Variants in TCF25 observed in about 807,000 individuals in gnomAD.
TCF25 encodes TCF25 ribosome quality control complex subunit.
A neutral mutation model predicts 83.1 loss-of-function variants in TCF25; 41 were observed. That is an observed-to-expected ratio of 0.49 (90% confidence interval 0.38 to 0.64). TCF25 has a LOEUF of 0.64. TCF25 is among the 30% of genes least tolerant of loss of function. The pLI is 0.00. For synonymous variants in TCF25, 458 were observed against 365.0 expected, an observed-to-expected ratio of 1.25 and a Z score of -2.90; for missense variants, 979 against 914.5, an observed-to-expected ratio of 1.07 and a Z score of -0.91.
intron 12 of TCF25, among the ~76,000 whole-genome samples, chr16:89,901,291 ACCTGGTCAGACCTCG>A (rs2044302825): frequency 6.6e-6 from 1 of 152,202 alleles, no homozygotes; most frequent in South Asian, 2.1e-4. Context: ...TGAGGCTGCC[ACCTGGTCAGACCTCG>A]GGGCTGACCC....
intron 1 of TCF25, among the ~76,000 whole-genome samples, chr16:89,879,174 C>T (rs1399404074): frequency 1.3e-5 from 2 of 149,480 alleles, no homozygotes; most frequent in South Asian, 2.1e-4. Flanking sequence ...CACAGACGGG[C>T]TCCTGGGCCT....
intron 16 of TCF25, among the ~76,000 whole-genome samples, chr16:89,908,566 C>T (rs2045218509): frequency 2.2e-5 from 3 of 134,876 alleles, no homozygotes; most frequent in Non-Finnish European, 4.9e-5. Flanking sequence ...GTTCCCACCT[C>T]TTTCCTCGCA....
At chr16:89,908,667 A>G (rs1010820930) in intron 16 of TCF25, among the ~76,000 whole-genome samples, 121 of 28,640 alleles carry the variant, frequency 4.2e-3, no homozygotes, top group Admixed American at 6.3e-3. Flanking sequence ...CCCAGCTCCC[A>G]CCTCCCTCCT....
intron 1 of TCF25, among the ~76,000 whole-genome samples, chr16:89,879,980 A>C (rs62056110): frequency 0.07 from 9,269 of 131,578 alleles, 591 homozygotes; most frequent in East Asian, 0.26. Context: ...GGATCCCAGG[A>C]CTATCACGCG....
At chr16:89,875,296 T>G (rs1213586673) in intron 1 of TCF25, among the ~76,000 whole-genome samples, 2 of 152,216 alleles carry the variant, frequency 1.3e-5, no homozygotes, top group African/African-American at 4.8e-5. Context: ...TTTCTCTTTG[T>G]GACAACCTGT....
At chr16:89,875,283 A>T (rs2042091948) in intron 1 of TCF25, among the ~76,000 whole-genome samples, 1 of 152,136 alleles carries the variant, frequency 6.6e-6, no homozygotes. Flanking sequence ...TTGACCATTT[A>T]TATTTCTCTT....
intron 14 of TCF25, among the ~76,000 whole-genome samples, chr16:89,905,496 C>G (rs1358463079): frequency 6.6e-6 from 1 of 152,214 alleles, no homozygotes; most frequent in African/African-American, 2.4e-5. Flanking sequence ...CCCTAATATG[C>G]TGCAACTGAC....
chr16:89,905,227 G>A, intron 14 of TCF25, 131 bp downstream of exon 14: 1 of 1,298,072 alleles, frequency 7.7e-7, no homozygotes, highest in Non-Finnish European at 1.0e-6. Context: ...TGGGGCCTGT[G>A]TGGAGCCTAC....
At chr16:89,909,900 C>G (rs1024243894) in intron 16 of TCF25, 3 of 152,572 alleles carry the variant, frequency 2.0e-5, no homozygotes, top group African/African-American at 7.2e-5. Flanking sequence ...GGCTGCGGCG[C>G]AAGAGGGCCA....
In TCF25 at chr16:89,896,027, CCT is replaced by C; in HGVS notation, c.967_968del (p.Leu323ValfsTer54). Reference sequence around the variant, plus strand: ...ACAGCATGGAATGTGCGTTCCACCCCCTGTTCAGTCTCACCAGTGGGGCCTGC... The same window carrying C: ...ACAGCATGGAATGTGCGTTCCACCCCGTTCAGTCTCACCAGTGGGGCCTGC... ...LYSMECAFHP[L>X]FSLTSGACRL... On this transcript the variant is annotated frameshift_variant, in exon 9 of 18. Coordinates refer to ENST00000263346, the MANE Select transcript of TCF25 (RefSeq NM_014972.3). LOFTEE classifies it high-confidence loss of function. 6.2e-7 allele frequency: 1 copy of C among 1,613,920 alleles called. No individual in the cohort carries two copies. The highest frequency in any genetic ancestry group is 8.5e-7 in the Non-Finnish European group (1 of 1,180,002).
Position 89,907,176 on chromosome 16 carries a change from C to T in TCF25, c.1720-67C>T, listed in dbSNP as rs943686962. On this transcript the variant is annotated intron_variant, in intron 15 of 17. Coordinates refer to ENST00000263346, the MANE Select transcript of TCF25 (RefSeq NM_014972.3). ...CCATGCTGGAGTCGACAGAAGGACT[C>T]TGCTGGGAGAGGTAGAGGCCCCCTG... is the stretch of plus-strand genomic sequence containing the variant. 19 of 1,511,812 alleles carry T rather than the reference C, an allele frequency of 1.3e-5. No individual in the cohort carries two copies. The African/African-American group carries it at 1.8e-4, about 14-fold the overall frequency. The allele number at this position is 1,511,812 out of a possible 1,614,324, so 93.6% of individuals were successfully genotyped here. A position where few individuals can be genotyped will look rare whatever the true frequency, so the allele number is the denominator to read the frequency against.
chr16:89,874,133 G>C (rs1173910070), intron 1 of TCF25, among the ~76,000 whole-genome samples: 4 of 148,390 alleles, frequency 2.7e-5, no homozygotes, highest in African/African-American at 1.0e-4. Context: ...GGGCCGTGCT[G>C]TCGGGGCGGG....
chr16:89,877,140 A>G (rs1301518266), intron 1 of TCF25, among the ~76,000 whole-genome samples: 1 of 151,950 alleles, frequency 6.6e-6, no homozygotes, highest in African/African-American at 2.4e-5. Flanking sequence ...AAATCGTAAT[A>G]ATAATTATGG....
intron 1 of TCF25, among the ~76,000 whole-genome samples, chr16:89,879,066 G>T (rs116282053): frequency 6.6e-6 from 1 of 152,172 alleles, no homozygotes; most frequent in Non-Finnish European, 1.5e-5. Context: ...CCTGTCACCC[G>T]TGCTGTCTGT....
At chr16:89,907,584 T>A (rs115039096) in intron 16 of TCF25, among the ~76,000 whole-genome samples, 15 of 14,064 alleles carry the variant, frequency 1.1e-3, no homozygotes, top group African/African-American at 2.3e-3. Flanking sequence ...TCTGCCTCCC[T>A]CCTCCCAGTT....
At chr16:89,898,705 C>G (rs113756250) in intron 10 of TCF25, 56 bp downstream of exon 10, 30 of 1,611,004 alleles carry the variant, frequency 1.9e-5, no homozygotes, top group African/African-American at 1.3e-4. Flanking sequence ...GCTGCAGGCC[C>G]ACTCTCAGCC....
At chr16:89,876,915 C>T (rs138376836) in intron 1 of TCF25, among the ~76,000 whole-genome samples, 8,940 of 127,666 alleles carry the variant, frequency 0.07, 434 homozygotes, top group East Asian at 0.26. Context: ...GGCAACAGAG[C>T]GAGACTCCAT....
intron 2 of TCF25, 76 bp from the exon 3 acceptor site, chr16:89,884,506 C>G: frequency 6.6e-7 from 1 of 1,505,352 alleles, no homozygotes; most frequent in Non-Finnish European, 9.2e-7. Flanking sequence ...AGGGTGGAGT[C>G]ACGCTTGCTG....
chr16:89,890,923 C>A (rs914328826), intron 5 of TCF25, among the ~76,000 whole-genome samples: 54 of 152,134 alleles, frequency 3.5e-4, no homozygotes, highest in African/African-American at 1.3e-3. Flanking sequence ...GCCACAGTTT[C>A]CTTTTTATTC....
Sources: allele counts gnomAD v4.1 joint callset (sites outside exome capture counted in the v4.1 genomes callset), GRCh38; gene constraint gnomAD v4.1.1; transcripts MANE v1.5; gene names NCBI Gene and HGNC (gene_info 2026-07-23, HGNC 2026-07-21).